PABPC4L: variants seen among roughly 807,000 people sequenced by gnomAD.
PABPC4L encodes polyadenylate-binding protein 4-like.
For synonymous variants in PABPC4L, 169 were observed against 164.1 expected (o/e 1.03, Z -0.23); for missense variants, 452 against 451.4 (o/e 1.00, Z -0.01).
chr4:134,117,465 C>T, the PABPC4L span, among the ~76,000 whole-genome samples: 1 of 151,794 alleles, frequency 6.6e-6, no homozygotes, highest in South Asian at 2.1e-4. Context: ...AGAGTTCCAG[C>T]TGTAGCAGCC....
At chr4:134,185,158 C>A in the PABPC4L span, among the ~76,000 whole-genome samples, 1 of 152,008 alleles carries the variant, frequency 6.6e-6, no homozygotes, top group Middle Eastern at 3.4e-3. Flanking sequence ...TCAATATATT[C>A]CAGCTTATCT....
At chr4:134,065,429 T>C in the PABPC4L span, among the ~76,000 whole-genome samples, 3 of 152,136 alleles carry the variant, frequency 2.0e-5, 1 homozygote, top group Non-Finnish European at 4.4e-5. Context: ...TTGCCTGCTT[T>C]TTCATGAGGT....
At chr4:134,118,462 A>G in the PABPC4L span, among the ~76,000 whole-genome samples, 1 of 151,824 alleles carries the variant, frequency 6.6e-6, no homozygotes, top group South Asian at 2.1e-4. Context: ...TTTTATGATA[A>G]TGGAAGATTA....
the PABPC4L span, among the ~76,000 whole-genome samples, chr4:134,157,950 ATTTG>A: frequency 6.6e-6 from 1 of 151,616 alleles, no homozygotes; most frequent in African/African-American, 2.4e-5. Context: ...GTGGTCACTT[ATTTG>A]TTCTCTCTCT....
the PABPC4L span, among the ~76,000 whole-genome samples, chr4:134,128,096 AT>A: frequency 6.6e-6 from 1 of 152,120 alleles, no homozygotes; most frequent in Non-Finnish European, 1.5e-5. Flanking sequence ...AATGAACCCA[AT>A]TTGACGAAGA....
chr4:134,170,678 G>C, the PABPC4L span, among the ~76,000 whole-genome samples: 1 of 152,214 alleles, frequency 6.6e-6, no homozygotes, highest in Admixed American at 6.5e-5. Context: ...CATGAGAACA[G>C]CACCAAGAGG....
the PABPC4L span, among the ~76,000 whole-genome samples, chr4:134,140,699 A>G: frequency 6.6e-6 from 1 of 151,882 alleles, no homozygotes; most frequent in Non-Finnish European, 1.5e-5. Flanking sequence ...ACGTTTATAC[A>G]TAATTTATAG....
the PABPC4L span, among the ~76,000 whole-genome samples, chr4:134,148,618 T>G: frequency 2.0e-5 from 3 of 152,264 alleles, no homozygotes; most frequent in South Asian, 6.2e-4. Flanking sequence ...TTGTGTCTTA[T>G]GCAATTGCCA....
At chr4:134,021,482 A>C in the PABPC4L span, among the ~76,000 whole-genome samples, 1 of 152,148 alleles carries the variant, frequency 6.6e-6, no homozygotes, top group Non-Finnish European at 1.5e-5. Context: ...TCTCCATCAG[A>C]AAGGTCCTGG....
chr4:134,009,869 C>A, the PABPC4L span, among the ~76,000 whole-genome samples: 2 of 152,062 alleles, frequency 1.3e-5, no homozygotes, highest in East Asian at 3.9e-4. Flanking sequence ...GAGGACAGTT[C>A]TACATTGAAA....
chr4:134,014,966 A>G, the PABPC4L span, among the ~76,000 whole-genome samples: 1 of 151,972 alleles, frequency 6.6e-6, no homozygotes, highest in African/African-American at 2.4e-5. Flanking sequence ...TTCCCTGACT[A>G]TTCCTGGACT....
the PABPC4L span, among the ~76,000 whole-genome samples, chr4:134,046,458 A>T: frequency 6.6e-6 from 1 of 152,066 alleles, no homozygotes; most frequent in South Asian, 2.1e-4. Flanking sequence ...CTGGTTTTAC[A>T]CCGAGACATT....
the PABPC4L span, among the ~76,000 whole-genome samples, chr4:134,180,558 C>CA: frequency 1.3e-5 from 2 of 151,492 alleles, no homozygotes; most frequent in Non-Finnish European, 3.0e-5. Context: ...AACTGAGATG[C>CA]AAAAAATCAT....
the PABPC4L span, among the ~76,000 whole-genome samples, chr4:134,153,810 G>GTTTTTTTT: frequency 1.3e-5 from 1 of 77,582 alleles, no homozygotes; most frequent in African/African-American, 5.4e-5. Context: ...CCTATGCCTA[G>GTTTTTTTT]TTTTTTTTTT....
At chr4:134,153,245 T>C in the PABPC4L span, among the ~76,000 whole-genome samples, 1 of 152,174 alleles carries the variant, frequency 6.6e-6, no homozygotes, top group Non-Finnish European at 1.5e-5. Flanking sequence ...TTAATCGCAA[T>C]ATAAAATTCA....
the PABPC4L span, among the ~76,000 whole-genome samples, chr4:133,985,359 C>T: frequency 5.7e-4 from 87 of 152,040 alleles, 1 homozygote; most frequent in East Asian, 0.015. Context: ...CAACTCCTTG[C>T]TTCATATTCA....
the PABPC4L span, among the ~76,000 whole-genome samples, chr4:134,187,315 T>A: frequency 6.6e-6 from 1 of 151,962 alleles, no homozygotes; most frequent in Non-Finnish European, 1.5e-5. Context: ...AATGATAGAC[T>A]GGATTAAGAA....
the PABPC4L span, among the ~76,000 whole-genome samples, chr4:134,009,650 C>T: frequency 1.3e-5 from 2 of 152,022 alleles, no homozygotes; most frequent in Admixed American, 1.3e-4. Flanking sequence ...TTTTTTCAGG[C>T]ATATCAACCA....
the PABPC4L span, among the ~76,000 whole-genome samples, chr4:134,100,550 C>A: frequency 6.6e-6 from 1 of 151,568 alleles, no homozygotes; most frequent in Non-Finnish European, 1.5e-5. Context: ...TACAATAATG[C>A]AACCTGGGTG....
Sources: gnomAD v4.1 joint callset for allele counts (sites outside exome capture counted in the v4.1 genomes callset) on GRCh38, gnomAD v4.1.1 for gene constraint, MANE v1.5 for transcripts, NCBI Gene and HGNC (gene_info 2026-07-23, HGNC 2026-07-21) for gene names.